The following CEP170 variants were observed in gnomAD, a reference collection of about 807,000 sequenced individuals.
The protein encoded by CEP170 is centrosomal protein 170.
A neutral mutation model predicts 151.9 loss-of-function variants in CEP170; 21 were observed. That is an observed-to-expected ratio of 0.14 (90% CI 0.10 to 0.20). The LOEUF (loss-of-function observed/expected upper bound fraction) is 0.20, where lower values mean the gene tolerates loss of function less well. CEP170 is among the 10% of genes least tolerant of loss of function. The pLI is 1.00. For synonymous variants in CEP170, 356 were observed against 648.8 expected, an observed-to-expected ratio of 0.55 and a Z score of 6.86; for missense variants, 964 against 1,892.9, an observed-to-expected ratio of 0.51 and a Z score of 9.11.
At chr1:243,195,388 C>A (rs941169413) in intron 7 of CEP170, among the ~76,000 whole-genome samples, 1 of 151,874 alleles carries the variant, frequency 6.6e-6, no homozygotes. Flanking sequence ...CGTCTTAATA[C>A]GATTAAAAAT....
intron 1 of CEP170, among the ~76,000 whole-genome samples, chr1:243,237,473 T>A (rs1234693156): frequency 1.3e-5 from 2 of 152,234 alleles, no homozygotes; most frequent in African/African-American, 2.4e-5. Flanking sequence ...ACCTTAAGGA[T>A]CGCTTTCGTT....
chr1:243,140,282 T>A, intron 15 of CEP170, 175 bp from the exon 16 acceptor site: 1 of 972,470 alleles, frequency 1.0e-6, no homozygotes, highest in South Asian at 3.3e-5. Context: ...CAAATGTATT[T>A]CCTTTATAAA....
At chr1:243,226,610 T>A (rs2063320628) in intron 1 of CEP170, among the ~76,000 whole-genome samples, 2 of 152,192 alleles carry the variant, frequency 1.3e-5, no homozygotes, top group Non-Finnish European at 2.9e-5. Context: ...TACATAAAAA[T>A]TATATAAGCA....
chr1:243,220,825 T>C (rs2062734560), intron 3 of CEP170, among the ~76,000 whole-genome samples: 1 of 152,212 alleles, frequency 6.6e-6, no homozygotes, highest in South Asian at 2.1e-4. Flanking sequence ...ATGCCAAATG[T>C]AGACAGACCA....
intron 10 of CEP170, among the ~76,000 whole-genome samples, chr1:243,182,020 G>A (rs975392965): frequency 1.3e-5 from 2 of 152,164 alleles, no homozygotes. Flanking sequence ...CAGTGTGACA[G>A]TGTTGGGAGG....
intron 10 of CEP170, among the ~76,000 whole-genome samples, chr1:243,180,022 A>T (rs2059519503): frequency 6.6e-6 from 1 of 152,184 alleles, no homozygotes; most frequent in Admixed American, 6.5e-5. Flanking sequence ...ACAGAGATGG[A>T]TGGCGGTGAT....
intron 14 of CEP170, among the ~76,000 whole-genome samples, chr1:243,151,135 C>T (rs1253043808): frequency 1.3e-5 from 2 of 152,232 alleles, no homozygotes; most frequent in Non-Finnish European, 2.9e-5. Context: ...GTCTAGCCCT[C>T]ACGGCTTCCT....
At chr1:243,209,850 G>A (rs936676258) in intron 4 of CEP170, among the ~76,000 whole-genome samples, 1 of 151,968 alleles carries the variant, frequency 6.6e-6, no homozygotes, top group Non-Finnish European at 1.5e-5. Context: ...CCGCCACCAT[G>A]CCTGGCTAAT....
At chr1:243,222,946 T>C (rs2148995705) in intron 2 of CEP170, among the ~76,000 whole-genome samples, 1 of 152,306 alleles carries the variant, frequency 6.6e-6, no homozygotes, top group African/African-American at 2.4e-5. Flanking sequence ...CAACTTGAGA[T>C]TTAAAAAAAC....
intron 3 of CEP170, among the ~76,000 whole-genome samples, chr1:243,212,574 A>G (rs949542811): frequency 5.9e-5 from 9 of 152,196 alleles, no homozygotes; most frequent in Admixed American, 1.3e-4. Context: ...ATATTTACTC[A>G]TCAATTATTC....
At chr1:243,201,593 TTCAGAGCACTCATGA>T (rs1458778927) in intron 4 of CEP170, among the ~76,000 whole-genome samples, 1 of 152,174 alleles carries the variant, frequency 6.6e-6, no homozygotes, top group Non-Finnish European at 1.5e-5. Flanking sequence ...TCCTTACCAG[TTCAGAGCACTCATGA>T]CTTCGAGGGT....
In CEP170 at chr1:243,136,124, A is replaced by C; in HGVS notation, c.4319+19T>G. The C allele has an allele frequency of 6.7e-7, 1 of 1,497,440 alleles. No individual in the cohort carries two copies. The highest frequency in any genetic ancestry group is 9.0e-7 in the Non-Finnish European group (1 of 1,113,978). The allele number at this position is 1,497,440 out of a possible 1,614,324, so 92.8% of individuals were successfully genotyped here. ...GCAAAGTGAGGTGATATTAAAGTTAAAGCTATATGTACATGTACCTGATCT... is the reference window on the plus strand; with the variant it reads ...GCAAAGTGAGGTGATATTAAAGTTACAGCTATATGTACATGTACCTGATCT... On this transcript the variant is annotated intron_variant, in intron 17 of 19. Coordinates refer to ENST00000366542, the MANE Select transcript of CEP170 (RefSeq NM_014812.3).
At chr1:243,216,168 A>C (rs995279368) in intron 3 of CEP170, among the ~76,000 whole-genome samples, 2 of 152,184 alleles carry the variant, frequency 1.3e-5, no homozygotes, top group Non-Finnish European at 2.9e-5. Flanking sequence ...TGATAAACTG[A>C]AATTTAAAAA....
chr1:243,243,016 T>C (rs535317238), intron 1 of CEP170, among the ~76,000 whole-genome samples: 2 of 152,366 alleles, frequency 1.3e-5, no homozygotes, highest in Admixed American at 6.5e-5. Flanking sequence ...TTTTGAATTG[T>C]TGATTCTCTA....
At chr1:243,246,717 A>G (rs2065438844) in intron 1 of CEP170, among the ~76,000 whole-genome samples, 1 of 152,158 alleles carries the variant, frequency 6.6e-6, no homozygotes, top group Non-Finnish European at 1.5e-5. Context: ...GGCTAGTGGG[A>G]TTATGATAGT....
chr1:243,159,803 T>TGTGTGTGTGTGTGTG (rs1558452605), intron 13 of CEP170, among the ~76,000 whole-genome samples: 10 of 51,760 alleles, frequency 1.9e-4, no homozygotes, highest in African/African-American at 9.6e-4. Flanking sequence ...GTGTGTGTGT[T>TGTGTGTGTGTGTGTG]TTTGAGATGG....
chr1:243,179,483 C>A (rs1043409090), intron 10 of CEP170, among the ~76,000 whole-genome samples: 1 of 152,156 alleles, frequency 6.6e-6, no homozygotes, highest in African/African-American at 2.4e-5. Context: ...TGCTTTCATA[C>A]TTAATATTAC....
intron 1 of CEP170, among the ~76,000 whole-genome samples, chr1:243,235,932 G>A (rs1055208833): frequency 1.3e-5 from 2 of 152,070 alleles, no homozygotes; most frequent in African/African-American, 4.8e-5. Flanking sequence ...TTCTTGCTAG[G>A]TTTTCCCTGT....
intron 1 of CEP170, among the ~76,000 whole-genome samples, chr1:243,244,129 A>C (rs1489712136): frequency 6.6e-6 from 1 of 152,170 alleles, no homozygotes; most frequent in Non-Finnish European, 1.5e-5. Context: ...AATATCTGCA[A>C]TTTACTTTGA....
Sources: allele counts gnomAD v4.1 joint callset (sites outside exome capture counted in the v4.1 genomes callset), GRCh38; gene constraint gnomAD v4.1.1; transcripts MANE v1.5; gene names NCBI Gene and HGNC (gene_info 2026-07-23, HGNC 2026-07-21).